EIF2B5: variants seen among roughly 807,000 people sequenced by gnomAD.
The protein encoded by EIF2B5 is translation initiation factor eIF2B subunit epsilon.
A neutral mutation model predicts 87.3 loss-of-function variants in EIF2B5; 38 were observed. That is an observed-to-expected ratio of 0.44 (90% CI 0.34 to 0.57). EIF2B5 has a LOEUF of 0.57. Ranked by LOEUF, EIF2B5 falls within the 20% of genes least tolerant of loss-of-function variation. EIF2B5 has a pLI of 0.02. For missense variants in EIF2B5, 784 were observed against 909.5 expected (o/e 0.86, Z 1.78); for synonymous variants, 313 against 339.6 (o/e 0.92, Z 0.86).
chr3:184,141,241 T>C (rs1333585687), intron 7 of EIF2B5, among the ~76,000 whole-genome samples: 2 of 152,166 alleles, frequency 1.3e-5, no homozygotes, highest in African/African-American at 2.4e-5. Context: ...ATGCGTCTAA[T>C]AGTACTGCCC....
At position 184,144,558 on chromosome 3, in the gene EIF2B5, T is replaced by C. The variant is rs202117493; in HGVS notation, c.1996-39T>C. On this transcript the variant is annotated intron_variant, in intron 14 of 15. Coordinates refer to ENST00000648915, the MANE Select transcript of EIF2B5 (RefSeq NM_003907.3). ...CCTGGTAGAGTATCCTGCTGGACTT[T>C]CCAAGGCCCCTGAGGTCCCCTTTAT... The C allele has an allele frequency of 1.2e-3, 1,830 of 1,584,528 alleles. 1 individual carries two copies. The highest frequency in any genetic ancestry group is 1.4e-3 in the Non-Finnish European group (1,642 of 1,154,274).
intron 13 of EIF2B5, 23 bp from the exon 14 acceptor site, chr3:184,144,075 GC>G (rs1304475436): frequency 6.2e-7 from 1 of 1,614,042 alleles, no homozygotes; most frequent in African/African-American, 1.3e-5. Context: ...GGAATATACT[GC>G]AGCTCCCTTC....
At position 184,137,684 on chromosome 3, in the gene EIF2B5, C is replaced by T. The variant is rs1419673400; in HGVS notation, c.385C>T (p.Arg129Ter). ...TCGAATAATTACATCAGAGCTCTAT[C>T]GATCACTGGGAGATGTCCTCCGTGA... ...VVRIITSELYRSLGDVLRDVD... is the reference protein window; with the variant it reads ...VVRIITSELY The change falls in exon 3 of 16, where the codon CGA becomes TGA. Residue 129 changes from arginine (R) to a stop codon, truncating the protein, a stop_gained. Transcript: ENST00000648915. LOFTEE classifies it high-confidence loss of function. The T allele has an allele frequency of 1.9e-6, 3 of 1,614,184 alleles. No homozygotes were observed. Among genetic ancestry groups the T allele is most frequent in the Non-Finnish European group, 2.5e-6 (3 of 1,180,022 alleles).
Position 184,144,693 on chromosome 3 carries a change from C to A in EIF2B5, c.2092C>A (p.Arg698Ser), listed in dbSNP as rs374599117. 2 of 1,613,746 alleles carry A rather than the reference C, an allele frequency of 1.2e-6. No individual in the cohort carries two copies. Among genetic ancestry groups the A allele is most frequent in the Admixed American group, 3.3e-5 (2 of 59,946 alleles). The change falls in exon 15 of 16, where the codon CGC becomes AGC. Residue 698 changes from arginine to serine, a missense_variant. Arg to Ser is a moderately radical substitution (Grantham distance 110). Around this residue, in one of 3 missense-constraint regions of EIF2B5, gnomAD observed 660 missense variants for 789.5 expected, o/e 0.84. Transcript: ENST00000648915. ...TACAACTGACAAGGGCCAGCAGTTG[C>A]GCAAGAATCAACAGGTGCGTCAGGC... ...RDTTDKGQQL[R>S]KNQQLQRFIQ...
intron 12 of EIF2B5, 131 bp from the exon 13 acceptor site, chr3:184,143,311 C>A: frequency 6.5e-7 from 1 of 1,533,400 alleles, no homozygotes; most frequent in Non-Finnish European, 9.0e-7. Flanking sequence ...TCAGCATAGA[C>A]TTTCTCCTTC....
At position 184,142,040 on chromosome 3, in the gene EIF2B5, A is replaced by T; in HGVS notation, c.1272A>T (p.Thr424=). 6.2e-7 allele frequency: 1 copy of T among 1,614,190 alleles called. No homozygotes were observed. Among genetic ancestry groups the T allele is most frequent in the Non-Finnish European group, 8.5e-7 (1 of 1,180,024 alleles). ...CDNAEVKERV[T]LKPRSVLTSQ... is the part of the protein sequence containing the mutation. ...ATGCTGAGGTCAAGGAACGAGTGAC[A>T]CTGAAACCACGCTCTGTCCTCACTT... The change falls in exon 8 of 16, where the codon ACA becomes ACT. Residue 424 remains threonine (T), a synonymous_variant. Transcript: ENST00000648915. The surrounding 1 kb of genome is among the most constrained non-coding windows in gnomAD (Gnocchi z 5.0).
intron 12 of EIF2B5, 29 bp from the exon 13 acceptor site, chr3:184,143,413 G>C: frequency 1.9e-6 from 3 of 1,614,084 alleles, no homozygotes; most frequent in Non-Finnish European, 2.5e-6. Context: ...GCCAGTGAAG[G>C]CCCTGGTGTC....
Position 184,140,119 on chromosome 3 carries a change from C to T in EIF2B5, c.805C>T (p.Arg269Ter), listed in dbSNP as rs113994058. ...TACAGACAACTTTGACTACCAAACT[C>T]GAGATGACTTTGTGCGAGGTCTCTT... ...LFTDNFDYQT[R>*]DDFVRGLLVN... Residue 269 changes from arginine to a stop codon, truncating the protein, a stop_gained, in exon 6 of 16, where the codon CGA (arginine) becomes TGA (stop). Transcript: ENST00000648915. LOFTEE classifies it high-confidence loss of function. 5 of 1,613,832 alleles carry T rather than the reference C, an allele frequency of 3.1e-6. No individual in the cohort carries two copies. Among genetic ancestry groups the T allele is most frequent in the Non-Finnish European group, 4.2e-6 (5 of 1,179,880 alleles).
At position 184,135,450 on chromosome 3, in the gene EIF2B5, C is replaced by G. The variant is rs369218379; in HGVS notation, c.65C>G (p.Ala22Gly). 5 of 1,580,840 alleles carry G rather than the reference C, an allele frequency of 3.2e-6. No homozygotes were observed. Among genetic ancestry groups the G allele is most frequent in the Non-Finnish European group, 4.3e-6 (5 of 1,164,526 alleles). Reference protein sequence around the residue: ...VVSRANKRSGAGPGGSGGGGA... With the variant: ...VVSRANKRSGGGPGGSGGGGA... Reference sequence around the variant, plus strand: ...AGTCGGGCTAACAAGCGCAGCGGCGCGGGGCCGGGAGGCAGCGGTGGCGGG... The same window carrying G: ...AGTCGGGCTAACAAGCGCAGCGGCGGGGGGCCGGGAGGCAGCGGTGGCGGG... The change falls in exon 1 of 16, where the codon GCG becomes GGG. Residue 22 changes from alanine (A) to glycine (G), a missense_variant. Ala to Gly is a moderately conservative substitution (Grantham distance 60). Coordinates refer to ENST00000648915, the MANE Select transcript of EIF2B5 (RefSeq NM_003907.3).
chr3:184,144,166 T>C lies in EIF2B5; in HGVS notation c.1937T>C (p.Leu646Ser). 1 of 1,614,242 alleles carries C rather than the reference T, an allele frequency of 6.2e-7. No individual in the cohort carries two copies. Among genetic ancestry groups the C allele is most frequent in the Non-Finnish European group, 8.5e-7 (1 of 1,180,046 alleles). ...IKRAADHLEA[L>S]AAIEDFFLEH... ...CGCGCAGCCGACCATTTGGAAGCGT[T>C]AGCAGCCATTGAGGACTTCTTCCTA... The change falls in exon 14 of 16, where the codon TTA becomes TCA. Residue 646 changes from leucine (L) to serine (S), a missense_variant. Leu to Ser is a moderately radical substitution (Grantham distance 145). This residue lies in a region of EIF2B5 where 660 missense variants were observed against 789.5 expected (regional missense o/e 0.84). Coordinates refer to ENST00000648915, the MANE Select transcript of EIF2B5 (RefSeq NM_003907.3).
intron 5 of EIF2B5, among the ~76,000 whole-genome samples, chr3:184,138,688 G>A (rs1020818257): frequency 8.1e-5 from 12 of 147,772 alleles, no homozygotes; most frequent in African/African-American, 3.0e-4. Flanking sequence ...TATTTTTTGA[G>A]ACAGGGTCTC....
chr3:184,140,329 G>A, intron 6 of EIF2B5, 89 bp from the exon 7 acceptor site: 4 of 1,492,692 alleles, frequency 2.7e-6, no homozygotes, highest in Non-Finnish European at 3.7e-6. Flanking sequence ...GAGAGGCAGA[G>A]GGGAACTTAA....
At chr3:184,137,309 G>A (rs947932165) in intron 2 of EIF2B5, 16 of 461,074 alleles carry the variant, frequency 3.5e-5, no homozygotes, top group African/African-American at 1.4e-4. Context: ...GACGTGAAGC[G>A]TGTTCCCAGG....
Position 184,143,583 on chromosome 3 carries a change from C to G in EIF2B5, c.1869+18C>G, listed in dbSNP as rs2109011511. On this transcript the variant is annotated intron_variant, in intron 13 of 15. Transcript: ENST00000648915. ...TGCTTCCTGTGAGCAAAGATTGGAG[C>G]TGAGTACAAGGGATTGGGTACAGGC... 1 of 1,614,166 alleles carries G rather than the reference C, an allele frequency of 6.2e-7. No homozygotes were observed. Among genetic ancestry groups the G allele is most frequent in the South Asian group, 1.1e-5 (1 of 91,082 alleles).
At position 184,142,829 on chromosome 3, in the gene EIF2B5, A is replaced by G. The variant is rs527310219; in HGVS notation, c.1597A>G (p.Met533Val). 13 of 1,614,128 alleles carry G rather than the reference A, an allele frequency of 8.1e-6. No individual in the cohort carries two copies. The highest frequency in any genetic ancestry group is 6.7e-5 in the African/African-American group (5 of 75,050). ...GAGTGAAAGTGAAAGTGAGCAAAGT[A>G]TGGATTCTGAGGAGCCGGACAGCCG... ...EESESESEQS[M>V]DSEEPDSRGG... Residue 533 changes from methionine (M) to valine (V), a missense_variant, in exon 11 of 16, where the codon ATG becomes GTG. This residue lies in a region of EIF2B5 where 660 missense variants were observed against 789.5 expected (regional missense o/e 0.84). Coordinates refer to ENST00000648915, the MANE Select transcript of EIF2B5 (RefSeq NM_003907.3). The surrounding 1 kb of genome is among the most constrained non-coding windows in gnomAD (Gnocchi z 5.0).
At position 184,140,110 on chromosome 3, in the gene EIF2B5, T is replaced by C; in HGVS notation, c.796T>C (p.Tyr266His). 1.9e-6 allele frequency: 3 copies of C among 1,613,614 alleles called. No homozygotes were observed. The highest frequency in any genetic ancestry group is 2.5e-6 in the Non-Finnish European group (3 of 1,179,676). The change falls in exon 6 of 16, where the codon TAC becomes CAC. Residue 266 changes from tyrosine (Y) to histidine (H), a missense_variant. This residue lies in a region of EIF2B5 where 660 missense variants were observed against 789.5 expected (regional missense o/e 0.84). Transcript: ENST00000648915. The stretch of plus-strand genomic sequence containing the variant: ...ACAACTCTTTACAGACAACTTTGAC[T>C]ACCAAACTCGAGATGACTTTGTGCG... The part of the protein sequence containing the change: ...VAQLFTDNFD[Y>H]QTRDDFVRGL...
Position 184,140,142 on chromosome 3 carries a change from C to T in EIF2B5, c.828C>T (p.Leu276=). 1 of 1,613,890 alleles carries T rather than the reference C, an allele frequency of 6.2e-7. No individual in the cohort carries two copies. Among genetic ancestry groups the T allele is most frequent in the Non-Finnish European group, 8.5e-7 (1 of 1,179,872 alleles). ...CTCGAGATGACTTTGTGCGAGGTCT[C>T]TTAGTGAATGAGGAGGTGAGAAAAG... The part of the protein sequence containing the change: ...YQTRDDFVRG[L]LVNEEILGNQ... Residue 276 remains leucine (L), a synonymous_variant, in exon 6 of 16, where the codon CTC becomes CTT. Coordinates refer to ENST00000648915, the MANE Select transcript of EIF2B5 (RefSeq NM_003907.3).
intron 5 of EIF2B5, chr3:184,138,883 A>T (rs571656695): frequency 5.4e-5 from 16 of 295,694 alleles, no homozygotes; most frequent in African/African-American, 2.8e-4. Context: ...CCTGGTCACG[A>T]ACTCCTGAGC....
rs777760880 is a variant in EIF2B5 at position 184,142,586 on chromosome 3, T to G, written c.1529T>G (p.Leu510Arg). ...ATGAACATGGAGGAAGAGGAGGAAC[T>G]GCAGCAGAATCTGTGGGGTGAGCTA... is the stretch of plus-strand genomic sequence containing the variant. ...AGMNMEEEEE[L>R]QQNLWGLKIN... Residue 510 changes from leucine to arginine, a missense_variant, in exon 10 of 16, where the codon CTG (leucine) becomes CGG (arginine). Leu to Arg is a moderately radical substitution (Grantham distance 102). Around this residue, in one of 3 missense-constraint regions of EIF2B5, gnomAD observed 660 missense variants for 789.5 expected, o/e 0.84. Coordinates refer to ENST00000648915, the MANE Select transcript of EIF2B5 (RefSeq NM_003907.3). The surrounding 1 kb of genome is among the most constrained non-coding windows in gnomAD (Gnocchi z 5.0). The G allele has an allele frequency of 1.1e-5, 17 of 1,613,900 alleles. No individual in the cohort carries two copies. The highest frequency in any genetic ancestry group is 1.4e-5 in the Non-Finnish European group (16 of 1,179,944).
Sources: allele counts gnomAD v4.1 joint callset (sites outside exome capture counted in the v4.1 genomes callset), GRCh38; gene constraint gnomAD v4.1.1; regional missense constraint gnomAD v4.1.1; non-coding constraint Gnocchi (gnomAD v3.1); transcripts MANE v1.5; gene names NCBI Gene and HGNC (gene_info 2026-07-23, HGNC 2026-07-21).